Variants in VPS13A observed in about 807,000 individuals in gnomAD.
VPS13A encodes intermembrane lipid transfer protein VPS13A.
VPS13A carries 264 observed loss-of-function variants against 390.9 expected under a neutral mutation model. The observed-to-expected ratio is 0.68, with a 90% CI of 0.61 to 0.75. The LOEUF (loss-of-function observed/expected upper bound fraction) is 0.75. Among genes scored for constraint, VPS13A ranks in the 30% least tolerant of loss-of-function variants. The pLI is 0.00. For missense variants in VPS13A, 3,409 were observed against 3,733.9 expected, an observed-to-expected ratio of 0.91 and a Z score of 2.27; for synonymous variants, 1,231 against 1,227.1, an observed-to-expected ratio of 1.00 and a Z score of -0.07.
At chr9:77,256,313 T>TA (rs1825440993) in intron 22 of VPS13A, among the ~76,000 whole-genome samples, 1 of 152,194 alleles carries the variant, frequency 6.6e-6, no homozygotes, top group African/African-American at 2.4e-5. Context: ...TTTTTCCTTC[T>TA]ACTCTTGCAT....
At chr9:77,255,295 A>C (rs1825378013) in intron 22 of VPS13A, among the ~76,000 whole-genome samples, 1 of 152,008 alleles carries the variant, frequency 6.6e-6, no homozygotes, top group East Asian at 1.9e-4. Context: ...TCATTCTGTT[A>C]ATGGGGTATG....
At chr9:77,278,363 G>A (rs1412734968) in intron 26 of VPS13A, among the ~76,000 whole-genome samples, 2 of 150,582 alleles carry the variant, frequency 1.3e-5, no homozygotes, top group African/African-American at 2.4e-5. Flanking sequence ...GTGAGCCACC[G>A]CGCCTGGCCA....
rs767709467 is a variant in VPS13A, at chr9:77,221,271, G to C, written c.1076G>C (p.Arg359Thr). ...MWSWKHIRKH[R>T]QKVKQYKELY... ...TCATGGAAGCATATTAGAAAACATA[G>C]GCAAAAAGTGAAGCAATATAAAGAA... The change falls in exon 13 of 72, where the codon AGG (arginine) becomes ACG (threonine). Residue 359 changes from arginine (R) to threonine (T), a missense_variant. Coordinates refer to ENST00000360280, the MANE Select transcript of VPS13A (RefSeq NM_033305.3). 6.2e-7 allele frequency: 1 copy of C among 1,613,338 alleles called. No individual in the cohort carries two copies. The highest frequency in any genetic ancestry group is 1.1e-5 in the South Asian group (1 of 91,058).
chr9:77,302,326 T>TACCA (rs1554884499), intron 33 of VPS13A, among the ~76,000 whole-genome samples: 10 of 151,668 alleles, frequency 6.6e-5, no homozygotes, highest in Non-Finnish European at 1.5e-5. Flanking sequence ...TTGCACTTTT[T>TACCA]ACCATATTCC....
chr9:77,190,554 G>A (rs759938986), intron 1 of VPS13A, among the ~76,000 whole-genome samples: 1 of 152,136 alleles, frequency 6.6e-6, no homozygotes, highest in Non-Finnish European at 1.5e-5. Context: ...TTATGTCTCT[G>A]CCAGGTTTTG....
intron 51 of VPS13A, 87 bp from the exon 52 acceptor site, chr9:77,344,922 G>C (rs763675495): frequency 1.2e-5 from 17 of 1,452,580 alleles, no homozygotes; most frequent in Middle Eastern, 2.3e-4. Context: ...AAATTATCAA[G>C]TTATGAATAG....
intron 3 of VPS13A, among the ~76,000 whole-genome samples, chr9:77,202,598 C>T (rs1258817874): frequency 6.6e-6 from 1 of 151,994 alleles, no homozygotes; most frequent in African/African-American, 2.4e-5. Context: ...AACTTTTAAA[C>T]TTTTACCAAA....
intron 22 of VPS13A, among the ~76,000 whole-genome samples, chr9:77,256,819 C>T (rs1336101366): frequency 1.3e-5 from 2 of 150,966 alleles, no homozygotes; most frequent in Non-Finnish European, 3.0e-5. Context: ...TCCCTGCTCT[C>T]TTTTGGTGAT....
chr9:77,243,875 A>G (rs1317966639), intron 19 of VPS13A, among the ~76,000 whole-genome samples: 1 of 152,172 alleles, frequency 6.6e-6, no homozygotes, highest in Admixed American at 6.5e-5. Flanking sequence ...TTTGATAGGT[A>G]TGTTTAATGT....
chr9:77,200,398 A>G (rs1389580606), intron 2 of VPS13A, among the ~76,000 whole-genome samples: 4 of 152,198 alleles, frequency 2.6e-5, no homozygotes, highest in Admixed American at 2.6e-4. Flanking sequence ...ATGAGGCAGG[A>G]GAATCGCTTG....
chr9:77,288,693 C>T (rs1226972425), intron 31 of VPS13A, among the ~76,000 whole-genome samples: 1 of 152,022 alleles, frequency 6.6e-6, no homozygotes, highest in African/African-American at 2.4e-5. Flanking sequence ...TATGATTAAT[C>T]TTGGTGAATG....
chr9:77,408,062 C>CTGAT (rs1178435527), intron 71 of VPS13A, among the ~76,000 whole-genome samples: 1 of 152,158 alleles, frequency 6.6e-6, no homozygotes, highest in Non-Finnish European at 1.5e-5. Context: ...AGTTTGAATA[C>CTGAT]TGATTTTGTC....
chr9:77,385,288 T>C, intron 68 of VPS13A: 1 of 520,182 alleles, frequency 1.9e-6, no homozygotes, highest in Non-Finnish European at 2.5e-6. Flanking sequence ...GATAGTAAAA[T>C]AATTTATAGT....
intron 17 of VPS13A, among the ~76,000 whole-genome samples, chr9:77,236,049 A>G (rs1824126727): frequency 6.6e-6 from 1 of 152,130 alleles, no homozygotes. Flanking sequence ...GACTAATATA[A>G]CTATTCTGAG....
intron 1 of VPS13A, among the ~76,000 whole-genome samples, chr9:77,189,657 A>G (rs191328551): frequency 1.3e-3 from 200 of 152,290 alleles, no homozygotes; most frequent in African/African-American, 4.6e-3. Context: ...TGGCAGTTTG[A>G]TAGGAATAGC....
intron 67 of VPS13A, among the ~76,000 whole-genome samples, chr9:77,371,664 T>TA (rs1554674280): frequency 4.3e-4 from 65 of 152,050 alleles, no homozygotes; most frequent in Admixed American, 9.8e-4. Context: ...ATTTTTTTTT[T>TA]TTATTATTAT....
intron 25 of VPS13A, 59 bp downstream of exon 25, chr9:77,275,711 C>A: frequency 6.5e-7 from 1 of 1,534,330 alleles, no homozygotes. Context: ...ATATTTACAG[C>A]TTACTATATA....
At chr9:77,208,617 T>C (rs944217659) in intron 5 of VPS13A, among the ~76,000 whole-genome samples, 3 of 151,756 alleles carry the variant, frequency 2.0e-5, no homozygotes, top group African/African-American at 7.3e-5. Flanking sequence ...TGGTGTGATC[T>C]CGGCTCACTG....
chr9:77,201,467 C>A, intron 3 of VPS13A, 60 bp downstream of exon 3: 3 of 1,297,326 alleles, frequency 2.3e-6, no homozygotes, highest in Non-Finnish European at 3.4e-6. Context: ...GAATAATTTG[C>A]CTAATATATC....
Sources: allele counts gnomAD v4.1 joint callset (sites outside exome capture counted in the v4.1 genomes callset), GRCh38; gene constraint gnomAD v4.1.1; transcripts MANE v1.5; gene names NCBI Gene and HGNC (gene_info 2026-07-23, HGNC 2026-07-21).